ATP8A2: variants seen among roughly 807,000 people sequenced by gnomAD.
ATP8A2 encodes the protein phospholipid-transporting ATPase IB.
ATP8A2 carries 100 observed loss-of-function variants against 165.6 expected under a neutral mutation model. That is an observed-to-expected ratio of 0.60 (90% CI 0.51 to 0.71). The LOEUF (loss-of-function observed/expected upper bound fraction) is 0.71. Among genes scored for constraint, ATP8A2 ranks in the 30% least tolerant of loss-of-function variants. ATP8A2 has a pLI of 0.00. For missense variants in ATP8A2, 1,227 were observed against 1,479.5 expected, an observed-to-expected ratio of 0.83 and a Z score of 2.80; for synonymous variants, 543 against 548.8, an observed-to-expected ratio of 0.99 and a Z score of 0.15.
chr13:25,644,200 G>A (rs911554446), intron 24 of ATP8A2, among the ~76,000 whole-genome samples: 3 of 151,948 alleles, frequency 2.0e-5, no homozygotes, highest in Non-Finnish European at 4.4e-5. Context: ...GTTTCATTTT[G>A]TACTTTCCAA....
At chr13:25,421,768 G>A (rs2034306984) in intron 1 of ATP8A2, among the ~76,000 whole-genome samples, 1 of 152,230 alleles carries the variant, frequency 6.6e-6, no homozygotes, top group South Asian at 2.1e-4. Flanking sequence ...GATCTATATA[G>A]CCTGCAGTGG....
intron 2 of ATP8A2, among the ~76,000 whole-genome samples, chr13:25,502,084 G>C (rs1401373410): frequency 6.6e-6 from 1 of 152,226 alleles, no homozygotes; most frequent in Non-Finnish European, 1.5e-5. Context: ...AACTCTGTTA[G>C]TTAGAAAGCA....
chr13:25,891,148 A>G (rs868475680), intron 33 of ATP8A2, among the ~76,000 whole-genome samples: 2 of 152,212 alleles, frequency 1.3e-5, no homozygotes, highest in South Asian at 4.1e-4. Context: ...CTTTTGTTTT[A>G]ATAGATGCTG....
chr13:25,769,830 G>C (rs1298847061), intron 26 of ATP8A2, among the ~76,000 whole-genome samples: 1 of 152,204 alleles, frequency 6.6e-6, no homozygotes, highest in Non-Finnish European at 1.5e-5. Flanking sequence ...GCCTCCTGCA[G>C]TTAGGCCAAG....
intron 33 of ATP8A2, among the ~76,000 whole-genome samples, chr13:25,869,468 T>A (rs1035971990): frequency 1.8e-4 from 27 of 152,230 alleles, no homozygotes; most frequent in Non-Finnish European, 3.2e-4. Flanking sequence ...AAATTGTAAC[T>A]GTGAAAGTAG....
At chr13:25,708,761 A>C (rs1441691265) in intron 25 of ATP8A2, among the ~76,000 whole-genome samples, 6 of 152,228 alleles carry the variant, frequency 3.9e-5, no homozygotes, top group Admixed American at 1.3e-4. Context: ...GTTGAACTTT[A>C]GAGAGGAAAC....
chr13:25,445,328 A>G (rs1232599714), intron 1 of ATP8A2, among the ~76,000 whole-genome samples: 1 of 152,234 alleles, frequency 6.6e-6, no homozygotes, highest in Non-Finnish European at 1.5e-5. Context: ...AGTTTAAACA[A>G]CTTTGAAATC....
At chr13:25,503,754 C>A (rs1292537856) in intron 2 of ATP8A2, among the ~76,000 whole-genome samples, 1 of 152,132 alleles carries the variant, frequency 6.6e-6, no homozygotes, top group Non-Finnish European at 1.5e-5. Flanking sequence ...GTTAAAAAAA[C>A]AAGCCACAGG....
chr13:25,755,052 A>G lies in ATP8A2; in HGVS notation c.2385-13994A>G, dbSNP rs575705434. Among the ~76,000 whole-genome samples the G allele has an allele frequency of 1.4e-3, 207 of 152,334 alleles. 2 individuals carry two copies. Among genetic ancestry groups the G allele is most frequent in the African/African-American group, 4.7e-3 (196 of 41,566 alleles). On this transcript the variant is annotated intron_variant, in intron 25 of 36. Coordinates refer to ENST00000381655, the MANE Select transcript of ATP8A2 (RefSeq NM_016529.6). The stretch of plus-strand genomic sequence containing the variant: ...TAAGAGGAAAAACTACTTCCAGCAC[A>G]TGAATGGAAAAGAATCACTTTGCTG...
At chr13:25,929,786 T>G (rs896427050) in intron 33 of ATP8A2, among the ~76,000 whole-genome samples, 2 of 152,144 alleles carry the variant, frequency 1.3e-5, no homozygotes, top group South Asian at 4.1e-4. Flanking sequence ...ATCATGCCAG[T>G]GCACTCAAAC....
At chr13:25,961,778 TCTC>T in intron 34 of ATP8A2, 115 bp downstream of exon 34, 2 of 811,382 alleles carry the variant, frequency 2.5e-6, no homozygotes, top group Admixed American at 4.9e-5. Context: ...AAGAAATGGG[TCTC>T]CTGCCACCTG....
intron 1 of ATP8A2, among the ~76,000 whole-genome samples, chr13:25,425,348 A>G (rs949019569): frequency 3.3e-5 from 5 of 152,160 alleles, no homozygotes; most frequent in African/African-American, 1.2e-4. Context: ...AATGCCTGAA[A>G]AAAATTAACT....
chr13:25,390,803 A>T (rs1297275771), intron 1 of ATP8A2, among the ~76,000 whole-genome samples: 5 of 151,738 alleles, frequency 3.3e-5, no homozygotes, highest in Admixed American at 3.3e-4. Context: ...GGTGGTACAC[A>T]CCTGTAATCC....
At chr13:25,444,361 A>T (rs2035014564) in intron 1 of ATP8A2, among the ~76,000 whole-genome samples, 1 of 151,962 alleles carries the variant, frequency 6.6e-6, no homozygotes, top group Non-Finnish European at 1.5e-5. Flanking sequence ...TCTTGTATGA[A>T]TTTTTGTGGA....
intron 23 of ATP8A2, among the ~76,000 whole-genome samples, chr13:25,588,658 GC>G (rs955262366): frequency 6.6e-6 from 1 of 152,238 alleles, no homozygotes; most frequent in East Asian, 1.9e-4. Flanking sequence ...ATCTTAAGGT[GC>G]TGAGACAAAA....
intron 25 of ATP8A2, among the ~76,000 whole-genome samples, chr13:25,764,364 C>CT (rs2138263793): frequency 6.6e-6 from 1 of 152,298 alleles, no homozygotes; most frequent in African/African-American, 2.4e-5. Flanking sequence ...ATATGCAAAA[C>CT]TTTAAGAAAG....
At chr13:25,739,657 T>C (rs2043864941) in intron 25 of ATP8A2, among the ~76,000 whole-genome samples, 1 of 152,128 alleles carries the variant, frequency 6.6e-6, no homozygotes. Context: ...TAGCTTTATG[T>C]TATGAGGATT....
At chr13:25,699,045 C>A in intron 24 of ATP8A2, 128 bp from the exon 25 acceptor site, 1 of 711,590 alleles carries the variant, frequency 1.4e-6, no homozygotes, top group Non-Finnish European at 2.1e-6. Flanking sequence ...ATGTGCAAAG[C>A]TGAACTGATA....
intron 35 of ATP8A2, among the ~76,000 whole-genome samples, chr13:25,994,373 T>C (rs1433858763): frequency 2.6e-5 from 4 of 152,122 alleles, no homozygotes; most frequent in Non-Finnish European, 5.9e-5. Context: ...TATTTCCTTT[T>C]CTTGTGTTAT....
Sources: allele counts gnomAD v4.1 joint callset (sites outside exome capture counted in the v4.1 genomes callset), GRCh38; gene constraint gnomAD v4.1.1; transcripts MANE v1.5; gene names NCBI Gene and HGNC (gene_info 2026-07-23, HGNC 2026-07-21).